The following INO80 variants were observed in gnomAD, a reference collection of about 807,000 sequenced individuals.
INO80 encodes INO80 complex ATPase subunit.
Under a neutral mutation model 203.4 loss-of-function variants are expected in INO80, and 20 were observed. The ratio of observed to expected loss-of-function variants is 0.10; its 90% CI spans 0.07 to 0.14. INO80 has a LOEUF of 0.14. INO80 is among the 10% of genes least tolerant of loss of function. The pLI is 1.00. For synonymous variants in INO80, 726 were observed against 685.2 expected (o/e 1.06, Z -0.93); for missense variants, 1,419 against 1,914.4 (o/e 0.74, Z 4.83).
chr15:41,043,814 T>C (rs1412359980), intron 24 of INO80, among the ~76,000 whole-genome samples: 1 of 152,200 alleles, frequency 6.6e-6, no homozygotes, highest in Non-Finnish European at 1.5e-5. Flanking sequence ...CCATATGACC[T>C]GGACCTACAT....
At chr15:41,023,395 G>A (rs1241623209) in intron 25 of INO80, 1 of 357,890 alleles carries the variant, frequency 2.8e-6, no homozygotes, top group Non-Finnish European at 5.6e-6. Flanking sequence ...TAAAAAGTAA[G>A]TCTAGACTAT....
At chr15:41,050,567 T>C (rs1459502873) in intron 19 of INO80, among the ~76,000 whole-genome samples, 4 of 152,164 alleles carry the variant, frequency 2.6e-5, no homozygotes, top group Non-Finnish European at 5.9e-5. Context: ...CTCTGAATGC[T>C]CTCTCACACC....
chr15:41,070,759 C>T (rs2045296631), intron 12 of INO80, among the ~76,000 whole-genome samples: 1 of 152,208 alleles, frequency 6.6e-6, no homozygotes, highest in Non-Finnish European at 1.5e-5. Context: ...CAGGGCAAGG[C>T]CAATCTGTTA....
intron 30 of INO80, among the ~76,000 whole-genome samples, chr15:40,987,547 G>A (rs2043755258): frequency 6.6e-6 from 1 of 152,204 alleles, no homozygotes; most frequent in Non-Finnish European, 1.5e-5. Context: ...CACTGAATGC[G>A]AGAGGCCATT....
At position 41,044,921 on chromosome 15, in the gene INO80, T is replaced by C. The variant is rs749342695; in HGVS notation, c.2890A>G (p.Ser964Gly). 10 of 1,609,692 alleles carry C rather than the reference T, an allele frequency of 6.2e-6. No individual in the cohort carries two copies. Among genetic ancestry groups the C allele is most frequent in the East Asian group, 2.2e-5 (1 of 44,842 alleles). Residue 964 changes from serine to glycine, a missense_variant, in exon 24 of 36, where the codon AGC (serine) becomes GGC (glycine). Ser to Gly is a moderately conservative substitution (Grantham distance 56). Coordinates refer to ENST00000648947, the MANE Select transcript of INO80 (RefSeq NM_017553.3). ...NFPLSFPNLC[S>G]CPLLKSLVFS... is the part of the protein sequence containing the mutation. ...TTGCTTACCTTTAACAAAGGGCAGC[T>C]GCAAAGGTTTGGAAAGGAGAGTGGA...
intron 27 of INO80, among the ~76,000 whole-genome samples, chr15:41,009,077 G>A (rs6492976): frequency 1.3e-5 from 2 of 152,208 alleles, no homozygotes; most frequent in African/African-American, 2.4e-5. Flanking sequence ...GGTGATACAT[G>A]CGCCTTGGCT....
chr15:41,089,473 T>A (rs1305917472), intron 5 of INO80, among the ~76,000 whole-genome samples: 2 of 152,190 alleles, frequency 1.3e-5, no homozygotes, highest in South Asian at 2.1e-4. Flanking sequence ...AGAAGGCGGC[T>A]GGGCGGGGTG....
chr15:41,017,663 G>C (rs2044231255), intron 26 of INO80: 1 of 152,198 alleles, frequency 6.6e-6, no homozygotes, highest in Non-Finnish European at 1.5e-5. Context: ...CTCTGTTTTT[G>C]CTACAAAGCC....
chr15:41,107,706 A>G (rs2045900391), intron 1 of INO80, among the ~76,000 whole-genome samples: 1 of 152,158 alleles, frequency 6.6e-6, no homozygotes, highest in South Asian at 2.1e-4. Flanking sequence ...AGGCTAAGAC[A>G]GGAGAATTGC....
chr15:41,073,416 C>G lies in INO80; in HGVS notation c.1395+12G>C. On this transcript the variant is annotated intron_variant, in intron 11 of 35. Coordinates refer to ENST00000648947, the MANE Select transcript of INO80 (RefSeq NM_017553.3). ...GGCCAATTACAGTAAACCTTTCTATCTGAAGACTCACCCGAGCTTGGTGAA... is the reference window on the plus strand; with the variant it reads ...GGCCAATTACAGTAAACCTTTCTATGTGAAGACTCACCCGAGCTTGGTGAA... 3 of 1,611,812 alleles carry G rather than the reference C, an allele frequency of 1.9e-6. No homozygotes were observed. The highest frequency in any genetic ancestry group is 2.5e-6 in the Non-Finnish European group (3 of 1,177,876).
At chr15:41,053,904 A>C in intron 19 of INO80, 25 bp downstream of exon 19, 3 of 1,581,374 alleles carry the variant, frequency 1.9e-6, no homozygotes, top group Non-Finnish European at 2.6e-6. Context: ...TTGAGGCTTA[A>C]ACACATGAGG....
chr15:41,090,733 T>TA (rs1008235042), intron 5 of INO80, among the ~76,000 whole-genome samples: 4 of 152,120 alleles, frequency 2.6e-5, no homozygotes, highest in Admixed American at 6.6e-5. Flanking sequence ...ATGAATATAT[T>TA]AAAAAAACAC....
chr15:41,085,086 A>C (rs991335279), intron 7 of INO80, among the ~76,000 whole-genome samples: 1 of 152,148 alleles, frequency 6.6e-6, no homozygotes, highest in Non-Finnish European at 1.5e-5. Context: ...TCAAGTATCT[A>C]TTGCTATATT....
chr15:41,031,442 A>G (rs964378026), intron 24 of INO80, among the ~76,000 whole-genome samples: 1 of 135,956 alleles, frequency 7.4e-6, no homozygotes, highest in African/African-American at 2.8e-5. Flanking sequence ...GAAAGAAGGA[A>G]AGGAGGGGAA....
intron 1 of INO80, among the ~76,000 whole-genome samples, chr15:41,102,456 C>A (rs956176331): frequency 3.9e-5 from 6 of 152,114 alleles, no homozygotes; most frequent in Non-Finnish European, 8.8e-5. Flanking sequence ...CACCTGAGAT[C>A]AGGAGTTCGA....
chr15:41,085,200 A>G (rs2045542318), intron 7 of INO80, among the ~76,000 whole-genome samples, 169 bp downstream of exon 7: 1 of 152,352 alleles, frequency 6.6e-6, no homozygotes, highest in East Asian at 1.9e-4. Flanking sequence ...CACATTCTAG[A>G]AGAAACTGTT....
At chr15:41,027,777 G>T in intron 24 of INO80, 41 bp from the exon 25 acceptor site, 3 of 1,490,600 alleles carry the variant, frequency 2.0e-6, no homozygotes, top group African/African-American at 1.4e-5. Context: ...CTATAATTAT[G>T]TTTAATGTAA....
intron 14 of INO80, among the ~76,000 whole-genome samples, chr15:41,060,939 G>A (rs966259717): frequency 2.6e-5 from 4 of 152,128 alleles, no homozygotes; most frequent in Non-Finnish European, 4.4e-5. Flanking sequence ...TAGAAAGACC[G>A]TATCACATGA....
intron 1 of INO80, among the ~76,000 whole-genome samples, chr15:41,098,499 A>T (rs148853012): frequency 6.6e-6 from 1 of 152,112 alleles, no homozygotes; most frequent in South Asian, 2.1e-4. Flanking sequence ...ACACAGTGAG[A>T]TCTCATCTCT....
Sources: gnomAD v4.1 joint callset for allele counts (sites outside exome capture counted in the v4.1 genomes callset) on GRCh38, gnomAD v4.1.1 for gene constraint, MANE v1.5 for transcripts, NCBI Gene and HGNC (gene_info 2026-07-23, HGNC 2026-07-21) for gene names.